Variants in RILPL2 observed in about 807,000 individuals in gnomAD.
RILPL2 encodes the protein RILP-like protein 2.
Under a neutral mutation model 22.2 loss-of-function variants are expected in RILPL2, and 19 were observed. That is an observed-to-expected ratio of 0.86 (90% CI 0.60 to 1.25). RILPL2 has a LOEUF of 1.25. RILPL2 is among the 50% of genes most tolerant of loss of function. The pLI is 0.00. For missense variants in RILPL2, 243 were observed against 263.6 expected, an observed-to-expected ratio of 0.92 and a Z score of 0.54; for synonymous variants, 123 against 111.6, an observed-to-expected ratio of 1.10 and a Z score of -0.64.
At chr12:123,419,242 C>G (rs1879207812) in intron 3 of RILPL2, among the ~76,000 whole-genome samples, 1 of 151,770 alleles carries the variant, frequency 6.6e-6, no homozygotes, top group African/African-American at 2.4e-5. Context: ...CCAGGATGGT[C>G]TCCATATCCT....
At chr12:123,420,870 C>A (rs1032979980) in intron 3 of RILPL2, among the ~76,000 whole-genome samples, 2 of 152,044 alleles carry the variant, frequency 1.3e-5, no homozygotes, top group African/African-American at 4.8e-5. Flanking sequence ...TAAATAGATG[C>A]GGCTTCAGGT....
downstream of RILPL2, among the ~76,000 whole-genome samples, chr12:123,410,411 G>A (rs1878937412): frequency 6.6e-6 from 1 of 152,182 alleles, no homozygotes; most frequent in East Asian, 1.9e-4. Context: ...TCCAGCATCA[G>A]TTTTAAGTGT....
At chr12:123,410,246 TTGA>T (rs1878931062), downstream of RILPL2, among the ~76,000 whole-genome samples, 1 of 152,044 alleles carries the variant, frequency 6.6e-6, no homozygotes, top group African/African-American at 2.4e-5. Flanking sequence ...TTTACTAGAC[TTGA>T]TGATTCTCAG....
chr12:123,420,706 G>C (rs1188171441), intron 3 of RILPL2, among the ~76,000 whole-genome samples: 1 of 152,048 alleles, frequency 6.6e-6, no homozygotes, highest in Admixed American at 6.6e-5. Flanking sequence ...CGAAGTGCTG[G>C]GTTTACAGGC....
At chr12:123,433,604 G>A (rs947270602) in intron 1 of RILPL2, among the ~76,000 whole-genome samples, 2 of 151,866 alleles carry the variant, frequency 1.3e-5, no homozygotes, top group African/African-American at 4.8e-5. Flanking sequence ...TAGAGACAGG[G>A]TTTCACCAGT....
intron 3 of RILPL2, among the ~76,000 whole-genome samples, chr12:123,421,957 C>A (rs547155597): frequency 1.7e-4 from 25 of 151,382 alleles, no homozygotes; most frequent in Non-Finnish European, 3.2e-4. Context: ...AGTAAGCCAC[C>A]GTGCCTGGTC....
In RILPL2 at chr12:123,416,571, C is replaced by T. The variant is rs374880058; in HGVS notation, c.606-650G>A. On this transcript the variant is annotated intron_variant, in intron 3 of 3. Transcript: ENST00000280571. ...AGGAGAATGGCATAAACCCGGGAGG[C>T]GGAGCTTGCAGTGAGCCAAGATGGT... Among the ~76,000 whole-genome samples, 6 of 152,096 alleles carry T rather than the reference C, an allele frequency of 3.9e-5. No individual in the cohort carries two copies. In the South Asian group the frequency reaches 6.2e-4, roughly 16 times the overall value.
intron 3 of RILPL2, among the ~76,000 whole-genome samples, chr12:123,417,967 G>A (rs1162418074): frequency 2.0e-5 from 3 of 152,090 alleles, no homozygotes; most frequent in East Asian, 1.9e-4. Context: ...GGTGGGAGAC[G>A]GGATCTTGCT....
chr12:123,410,477 A>G (rs1878940290), downstream of RILPL2, among the ~76,000 whole-genome samples: 1 of 152,174 alleles, frequency 6.6e-6, no homozygotes, highest in African/African-American at 2.4e-5. Context: ...CTTGTCTCAA[A>G]TAGGGATAAT....
At chr12:123,411,520 C>A (rs1490695795), downstream of RILPL2, 1 of 148,130 alleles carries the variant, frequency 6.8e-6, no homozygotes, top group Non-Finnish European at 1.5e-5. Flanking sequence ...CAGCAACCAC[C>A]TCCTGTGCCT....
At position 123,430,272 on chromosome 12, in the gene RILPL2, G is replaced by GTA. The variant is rs879457305; in HGVS notation, c.491+235_491+236insTA. Among the ~76,000 whole-genome samples, 440 of 151,714 alleles carry GTA rather than the reference G, an allele frequency of 2.9e-3. 3 individuals are homozygous for GTA. Among genetic ancestry groups the GTA allele is most frequent in the African/African-American group, 9.1e-3 (378 of 41,402 alleles). On this transcript the variant is annotated intron_variant, in intron 2 of 3. Transcript: ENST00000280571. ...AAAATACAAAAAATTAGCCAGGCAC[G>GTA]GTGGCGGGCGCCTGTAGTCCCAGCT...
chr12:123,411,550 ACC>A (rs1264007963), downstream of RILPL2: 1 of 101,582 alleles, frequency 9.8e-6, no homozygotes, highest in Non-Finnish European at 1.9e-5. Context: ...TGGCTTGAAA[ACC>A]TTTTTTTTTT....
chr12:123,426,694 G>A (rs535866814), intron 2 of RILPL2, among the ~76,000 whole-genome samples: 4 of 150,732 alleles, frequency 2.7e-5, no homozygotes, highest in African/African-American at 4.9e-5. Flanking sequence ...TCTGCCCCCC[G>A]GGGCTCACGC....
At chr12:123,423,958 GTTTC>G (rs1476814927) in intron 2 of RILPL2, among the ~76,000 whole-genome samples, 1 of 151,862 alleles carries the variant, frequency 6.6e-6, no homozygotes, top group Non-Finnish European at 1.5e-5. Context: ...TGACCCTCTT[GTTTC>G]TTTCTCTTAC....
In RILPL2 at chr12:123,436,337, C is replaced by A. The variant is rs377702793; in HGVS notation, c.84G>T (p.Ala28=). 8 of 1,568,326 alleles carry A rather than the reference C, an allele frequency of 5.1e-6. No individual in the cohort carries two copies. In the African/African-American group the frequency reaches 1.1e-4, roughly 21 times the overall value. The part of the protein sequence containing the change: ...EERDEVGPEG[A]LGKSPFQLTA... ...TCAGCTGGAAGGGGCTCTTGCCCAG[C>A]GCCCCCTCGGGCCCAACCTCGTCCC... is the stretch of plus-strand genomic sequence containing the variant. The change falls in exon 1 of 4, where the codon GCG becomes GCT. Residue 28 remains alanine, a synonymous_variant. Coordinates refer to ENST00000280571, the MANE Select transcript of RILPL2 (RefSeq NM_145058.3). The surrounding 1 kb of genome is among the most constrained non-coding windows in gnomAD (Gnocchi z 6.7).
At chr12:123,425,654 CTTT>C (rs531039648) in intron 2 of RILPL2, among the ~76,000 whole-genome samples, 1 of 141,660 alleles carries the variant, frequency 7.1e-6, no homozygotes. Context: ...TTAATATCTA[CTTT>C]TTTTTTTTTT....
At chr12:123,415,968 C>CA (rs763760978) in intron 3 of RILPL2, 47 bp from the exon 4 acceptor site, 26 of 1,599,530 alleles carry the variant, frequency 1.6e-5, no homozygotes, top group Non-Finnish European at 1.8e-5. Context: ...AGGAACAAAG[C>CA]AAGGGGCACA....
At chr12:123,412,661 C>T (rs754616160), downstream of RILPL2, 2 of 152,186 alleles carry the variant, frequency 1.3e-5, no homozygotes, top group Non-Finnish European at 2.9e-5. Context: ...ATGCCTTAAC[C>T]TCCTTGGGAG....
At chr12:123,422,307 G>A (rs1275029452) in intron 3 of RILPL2, among the ~76,000 whole-genome samples, 2 of 151,858 alleles carry the variant, frequency 1.3e-5, no homozygotes, top group East Asian at 1.9e-4. Context: ...TTGGTCACGA[G>A]GAGTTCAAGA....
Sources: allele counts gnomAD v4.1 joint callset (sites outside exome capture counted in the v4.1 genomes callset), GRCh38; gene constraint gnomAD v4.1.1; non-coding constraint Gnocchi (gnomAD v3.1); transcripts MANE v1.5; gene names NCBI Gene and HGNC (gene_info 2026-07-23, HGNC 2026-07-21).